The following TAF2 variants were observed in gnomAD, a reference collection of about 807,000 sequenced individuals.
TAF2 encodes the protein TATA-box binding protein associated factor 2, also known as transcription initiation factor TFIID subunit 2.
In TAF2, 61 loss-of-function variants were observed where a neutral mutation model predicts 138.5. The ratio of observed to expected loss-of-function variants is 0.44; its 90% CI spans 0.36 to 0.54. The LOEUF (loss-of-function observed/expected upper bound fraction) is 0.54. TAF2 is among the 20% of genes least tolerant of loss of function. The pLI is 0.00. For synonymous variants in TAF2, 475 were observed against 469.9 expected (o/e 1.01, Z -0.14); for missense variants, 1,090 against 1,427.9 (o/e 0.76, Z 3.81).
chr8:119,831,977 A>C (rs1342766122), intron 1 of TAF2, among the ~76,000 whole-genome samples: 4 of 152,068 alleles, frequency 2.6e-5, no homozygotes, highest in Admixed American at 2.6e-4. Context: ...TGGCCAACAG[A>C]GTGAAACCGA....
Position 119,797,049 on chromosome 8 carries a change from C to T in TAF2, c.1032G>A (p.Arg344=). The change falls in exon 8 of 26, where the codon AGG becomes AGA. Residue 344 remains arginine (R), a synonymous_variant. Coordinates refer to ENST00000378164, the MANE Select transcript of TAF2 (RefSeq NM_003184.4). Reference sequence around the variant, plus strand: ...GCTGGGCCAAGGATTGGGCTAAACACCTTCTAGTCAAAGGTGTCTCATCTA... The same window carrying T: ...GCTGGGCCAAGGATTGGGCTAAACATCTTCTAGTCAAAGGTGTCTCATCTA... ...MIIDETPLTR[R]CLAQSLAQQF... 1.2e-6 allele frequency: 2 copies of T among 1,613,132 alleles called. No individual in the cohort carries two copies. The highest frequency in any genetic ancestry group is 2.2e-5 in the East Asian group (1 of 44,788).
rs578240571 is a variant in TAF2, at chr8:119,792,597, G to GT, written c.1277+768dup. Among the ~76,000 whole-genome samples, 671 of 152,254 alleles carry GT rather than the reference G, an allele frequency of 4.4e-3. 6 individuals are homozygous for GT. Among genetic ancestry groups the GT allele is most frequent in the African/African-American group, 0.014 (576 of 41,520 alleles). ...CTCACAGTGTATGAGTGGTGCTATA[G>GT]TTTGTTTGAATGATGGTGCCCCCTC... On this transcript the variant is annotated intron_variant, in intron 10 of 25. Coordinates refer to ENST00000378164, the MANE Select transcript of TAF2 (RefSeq NM_003184.4).
intron 22 of TAF2, among the ~76,000 whole-genome samples, chr8:119,754,049 T>C (rs1820534244): frequency 6.6e-6 from 1 of 152,130 alleles, no homozygotes; most frequent in Non-Finnish European, 1.5e-5. Context: ...AAAGAAAACA[T>C]TAGAAAAAAA....
chr8:119,740,263 G>A (rs1271192461), intron 25 of TAF2, among the ~76,000 whole-genome samples: 1 of 152,062 alleles, frequency 6.6e-6, no homozygotes, highest in Non-Finnish European at 1.5e-5. Context: ...TCACAGAAAC[G>A]TTGATACACA....
intron 18 of TAF2, among the ~76,000 whole-genome samples, chr8:119,776,241 T>A (rs183910481): frequency 1.3e-5 from 2 of 152,256 alleles, no homozygotes; most frequent in Admixed American, 6.5e-5. Context: ...CAATGTTAAT[T>A]TTTAAAGGAG....
intron 18 of TAF2, among the ~76,000 whole-genome samples, chr8:119,774,002 T>A (rs1042798730): frequency 1.3e-5 from 2 of 151,458 alleles, no homozygotes; most frequent in African/African-American, 4.8e-5. Context: ...AAACCCTGTC[T>A]CTACTAAAAA....
intron 3 of TAF2, among the ~76,000 whole-genome samples, chr8:119,807,596 A>G (rs982576710): frequency 2.0e-5 from 3 of 152,182 alleles, no homozygotes; most frequent in African/African-American, 7.2e-5. Flanking sequence ...AATTAGTGAC[A>G]TTCCTATAAC....
At chr8:119,821,128 G>A (rs1430837844) in intron 2 of TAF2, among the ~76,000 whole-genome samples, 2 of 152,214 alleles carry the variant, frequency 1.3e-5, no homozygotes, top group Non-Finnish European at 2.9e-5. Context: ...ATTTCAGGAA[G>A]ATAGGAAAAG....
Position 119,832,648 on chromosome 8 carries a change from T to A in TAF2, c.-84A>T. The A allele has an allele frequency of 7.8e-7, 1 of 1,277,600 alleles. No individual in the cohort carries two copies. Among genetic ancestry groups the A allele is most frequent in the Non-Finnish European group, 1.1e-6 (1 of 912,672 alleles). The allele number at this position is 1,277,600 out of a possible 1,614,324, so 79.1% of individuals were successfully genotyped here. A position where few individuals can be genotyped will look rare whatever the true frequency, so the allele number is the denominator to read the frequency against. On this transcript the variant is annotated 5_prime_UTR_variant, in exon 1 of 26. Coordinates refer to ENST00000378164, the MANE Select transcript of TAF2 (RefSeq NM_003184.4). ...GTCTTTGGCACCTCACACTCTCCACTCCCCTGCGGTCCCCAAGTCACGTCT... is the reference window on the plus strand; with the variant it reads ...GTCTTTGGCACCTCACACTCTCCACACCCCTGCGGTCCCCAAGTCACGTCT...
intron 2 of TAF2, among the ~76,000 whole-genome samples, chr8:119,829,112 A>G (rs887750072): frequency 6.6e-6 from 1 of 152,276 alleles, no homozygotes; most frequent in South Asian, 2.1e-4. Flanking sequence ...AAAAAGGTAG[A>G]CTGTTCTGAT....
At chr8:119,778,802 G>A (rs1822439210) in intron 17 of TAF2, among the ~76,000 whole-genome samples, 1 of 152,088 alleles carries the variant, frequency 6.6e-6, no homozygotes, top group Non-Finnish European at 1.5e-5. Context: ...GTAGAAACAT[G>A]ACTTACACAC....
chr8:119,819,319 T>A (rs368705685), intron 3 of TAF2, 27 bp downstream of exon 3: 41 of 1,607,084 alleles, frequency 2.6e-5, no homozygotes, highest in Non-Finnish European at 3.1e-5. Flanking sequence ...CTGTTAAAAA[T>A]AGTGACTTTT....
chr8:119,799,598 G>A (rs11775062), intron 6 of TAF2, among the ~76,000 whole-genome samples: 20,584 of 152,204 alleles, frequency 0.14, 1,581 homozygotes, highest in Middle Eastern at 0.35. Context: ...TGTGAATAGT[G>A]CTGCAATAAA....
intron 6 of TAF2, among the ~76,000 whole-genome samples, chr8:119,799,868 A>G (rs1275538035): frequency 6.6e-6 from 1 of 152,036 alleles, no homozygotes; most frequent in African/African-American, 2.4e-5. Context: ...ATGGTATCTC[A>G]TTGTGGTTTT....
At chr8:119,736,727 C>A (rs1819246342) in intron 25 of TAF2, among the ~76,000 whole-genome samples, 1 of 152,134 alleles carries the variant, frequency 6.6e-6, no homozygotes, top group East Asian at 1.9e-4. Flanking sequence ...ATTAAGGAAT[C>A]TAGTTTGAAC....
At chr8:119,751,696 A>C (rs1820365587) in intron 22 of TAF2, among the ~76,000 whole-genome samples, 1 of 152,254 alleles carries the variant, frequency 6.6e-6, no homozygotes, top group African/African-American at 2.4e-5. Flanking sequence ...CAAGAAAAAA[A>C]CAGTGAATTA....
chr8:119,792,238 C>T (rs920976120), intron 10 of TAF2, among the ~76,000 whole-genome samples: 3 of 151,402 alleles, frequency 2.0e-5, no homozygotes, highest in Admixed American at 1.3e-4. Flanking sequence ...ACTGCAACCT[C>T]CACCTCCCAG....
intron 21 of TAF2, among the ~76,000 whole-genome samples, chr8:119,756,998 G>T (rs1458506321): frequency 6.6e-6 from 1 of 152,130 alleles, no homozygotes; most frequent in South Asian, 2.1e-4. Context: ...AAAGAAATTG[G>T]GTTGTAATTC....
At chr8:119,749,678 C>A (rs556243078) in intron 22 of TAF2, among the ~76,000 whole-genome samples, 1 of 152,248 alleles carries the variant, frequency 6.6e-6, no homozygotes, top group South Asian at 2.1e-4. Context: ...CTTTAAGACT[C>A]CCCTCATCAG....
Sources: gnomAD v4.1 joint callset for allele counts (sites outside exome capture counted in the v4.1 genomes callset) on GRCh38, gnomAD v4.1.1 for gene constraint, MANE v1.5 for transcripts, NCBI Gene and HGNC (gene_info 2026-07-23, HGNC 2026-07-21) for gene names.